The following MAP3K7CL variants were observed in gnomAD, a reference collection of about 807,000 sequenced individuals.
The protein encoded by MAP3K7CL is MAP3K7 C-terminal-like protein.
A neutral mutation model predicts 18.6 loss-of-function variants in MAP3K7CL; 16 were observed. The ratio of observed to expected loss-of-function variants is 0.86; its 90% CI spans 0.58 to 1.31. The LOEUF (loss-of-function observed/expected upper bound fraction) is 1.31, where lower values mean the gene tolerates loss of function less well. Among genes scored for constraint, MAP3K7CL ranks in the 50% most tolerant of loss-of-function variants. The pLI is 0.00. For missense variants in MAP3K7CL, 163 were observed against 174.4 expected, an observed-to-expected ratio of 0.93 and a Z score of 0.37; for synonymous variants, 65 against 66.8, an observed-to-expected ratio of 0.97 and a Z score of 0.13.
chr21:29,171,806 CAAAAA>C (rs34411156), intron 4 of MAP3K7CL, among the ~76,000 whole-genome samples: 1 of 83,166 alleles, frequency 1.2e-5, no homozygotes. Flanking sequence ...GACTCCATCT[CAAAAA>C]AAAAAAAAAA....
intron 4 of MAP3K7CL, among the ~76,000 whole-genome samples, chr21:29,114,288 C>T (rs150796687): frequency 0.047 from 7,179 of 152,098 alleles, 226 homozygotes; most frequent in Middle Eastern, 0.11. Flanking sequence ...AGGCTGGTCT[C>T]GAACTCTTGG....
At chr21:29,147,616 T>C (rs1568961584) in intron 2 of MAP3K7CL, among the ~76,000 whole-genome samples, 1 of 151,812 alleles carries the variant, frequency 6.6e-6, no homozygotes, top group Non-Finnish European at 1.5e-5. Flanking sequence ...GTGTACTGTA[T>C]ATGTATCTGT....
At chr21:29,132,256 A>G (rs960404574) in intron 1 of MAP3K7CL, among the ~76,000 whole-genome samples, 1 of 151,726 alleles carries the variant, frequency 6.6e-6, no homozygotes, top group Admixed American at 6.6e-5. Context: ...AGAAATATTC[A>G]TGTGTTTTTG....
At chr21:29,160,204 G>A (rs2087513307) in intron 4 of MAP3K7CL, 148 bp downstream of exon 4, 2 of 527,248 alleles carry the variant, frequency 3.8e-6, no homozygotes, top group East Asian at 6.6e-5. Flanking sequence ...TGGAGATTAA[G>A]TGCTTTATGG....
At position 29,149,234 on chromosome 21, in the gene MAP3K7CL, T is replaced by C; in HGVS notation, c.116T>C (p.Leu39Ser). The C allele has an allele frequency of 6.2e-7, 1 of 1,613,874 alleles. No individual in the cohort carries two copies. ...TCCATTCCTTTGGTCTTTCCAGAAT[T>C]AGACCAGCAGCTACAGGTAAGGATT... The part of the protein sequence containing the change: ...EDSIPLVFPE[L>S]DQQLQPLPPC... The change falls in exon 3 of 5, where the codon TTA becomes TCA. Residue 39 changes from leucine (L) to serine (S), a missense_variant. Coordinates refer to ENST00000399928, the MANE Select transcript of MAP3K7CL (RefSeq NM_001286620.2).
intron 1 of MAP3K7CL, chr21:29,131,159 G>A (rs1413291132): frequency 6.5e-6 from 1 of 152,752 alleles, no homozygotes; most frequent in African/African-American, 2.4e-5. Flanking sequence ...TTGAGCGGAG[G>A]GGAGGGACTC....
intron 4 of MAP3K7CL, among the ~76,000 whole-genome samples, chr21:29,094,601 T>A (rs1483642009): frequency 6.6e-6 from 1 of 152,200 alleles, no homozygotes; most frequent in Non-Finnish European, 1.5e-5. Flanking sequence ...AAAATTTGTA[T>A]CAACTAGTTG....
At chr21:29,093,704 G>A (rs984014696) in intron 4 of MAP3K7CL, among the ~76,000 whole-genome samples, 1 of 151,682 alleles carries the variant, frequency 6.6e-6, no homozygotes, top group Admixed American at 6.6e-5. Flanking sequence ...TGGCCAGGAT[G>A]GTCTCAATCT....
chr21:29,132,351 ATATC>A (rs754695543), intron 1 of MAP3K7CL, among the ~76,000 whole-genome samples: 8 of 152,146 alleles, frequency 5.3e-5, no homozygotes, highest in Non-Finnish European at 8.8e-5. Flanking sequence ...CTGGAGTAGA[ATATC>A]TATAGGATGT....
chr21:29,110,992 C>T (rs1167075185), intron 4 of MAP3K7CL, among the ~76,000 whole-genome samples: 4 of 152,102 alleles, frequency 2.6e-5, no homozygotes, highest in Middle Eastern at 3.2e-3. Flanking sequence ...CGCAGTGGCT[C>T]ACGGCTGTAA....
chr21:29,113,384 G>T (rs1415727176), intron 4 of MAP3K7CL, among the ~76,000 whole-genome samples: 1 of 152,164 alleles, frequency 6.6e-6, no homozygotes, highest in African/African-American at 2.4e-5. Flanking sequence ...ACTGACTTCA[G>T]ACTTGAATTT....
chr21:29,144,553 G>C (rs1482104115), intron 2 of MAP3K7CL, among the ~76,000 whole-genome samples: 1 of 152,092 alleles, frequency 6.6e-6, no homozygotes, highest in Non-Finnish European at 1.5e-5. Context: ...GAGTGGTATG[G>C]TGGAAAGAGC....
At chr21:29,156,635 A>G (rs2087411175) in intron 3 of MAP3K7CL, among the ~76,000 whole-genome samples, 1 of 152,214 alleles carries the variant, frequency 6.6e-6, no homozygotes, top group South Asian at 2.1e-4. Context: ...TGATGATACA[A>G]CATACATACA....
rs2087424203 is a variant in MAP3K7CL at position 29,157,071 on chromosome 21, C to G, written c.133-2870C>G. Among the ~76,000 whole-genome samples the G allele has an allele frequency of 2.0e-5, 3 of 152,170 alleles. No homozygotes were observed. In the South Asian group the frequency reaches 6.2e-4, roughly 32 times the overall value. On this transcript the variant is annotated intron_variant, in intron 3 of 4. Transcript: ENST00000399928. ...CACTGCTTAGAAGATGGGCTAGAGA[C>G]AGCAGAAAGGTTTAATGAAATAATT...
At chr21:29,084,689 T>G (rs1231245848), upstream of MAP3K7CL, among the ~76,000 whole-genome samples, 1 of 152,194 alleles carries the variant, frequency 6.6e-6, no homozygotes, top group East Asian at 1.9e-4. Flanking sequence ...AGATATTCAC[T>G]CCTCTGACTC....
intron 2 of MAP3K7CL, among the ~76,000 whole-genome samples, chr21:29,143,558 G>A (rs111508411): frequency 0.12 from 17,771 of 151,928 alleles, 1,393 homozygotes; most frequent in East Asian, 0.39. Flanking sequence ...GAGTAGCTGG[G>A]ATTACAGGCA....
intron 1 of MAP3K7CL, among the ~76,000 whole-genome samples, chr21:29,087,897 T>G (rs1416489253): frequency 6.6e-6 from 1 of 152,146 alleles, no homozygotes; most frequent in Non-Finnish European, 1.5e-5. Flanking sequence ...CCGGTCGTGC[T>G]CATTTTCTTA....
chr21:29,175,445 G>T lies in MAP3K7CL; in HGVS notation c.*553G>T, dbSNP rs182129534. The T allele has an allele frequency of 1.3e-5, 2 of 152,184 alleles. No individual in the cohort carries two copies. Among genetic ancestry groups the T allele is most frequent in the East Asian group, 1.9e-4 (1 of 5,180 alleles). 9.4% of individuals were successfully genotyped at this position (152,184 alleles called of 1,614,324 possible). A position where few individuals can be genotyped will look rare whatever the true frequency, so the allele number is the denominator to read the frequency against. ...ATGATTGATTATACTAAGAATAAAT[G>T]GTCACATATCCTAAAAGCTTCTTCA... On this transcript the variant is annotated 3_prime_UTR_variant, in exon 5 of 5. Coordinates refer to ENST00000399928, the MANE Select transcript of MAP3K7CL (RefSeq NM_001286620.2).
chr21:29,149,378 G>T, intron 3 of MAP3K7CL, 128 bp downstream of exon 3: 1 of 790,340 alleles, frequency 1.3e-6, no homozygotes, highest in South Asian at 1.5e-5. Context: ...AAGTCATCAA[G>T]GATTACATTT....
Sources: gnomAD v4.1 joint callset for allele counts (sites outside exome capture counted in the v4.1 genomes callset) on GRCh38, gnomAD v4.1.1 for gene constraint, MANE v1.5 for transcripts, NCBI Gene and HGNC (gene_info 2026-07-23, HGNC 2026-07-21) for gene names.